SETD2: variants seen among roughly 807,000 people sequenced by gnomAD.
SETD2 encodes SET domain containing 2, histone lysine methyltransferase.
In SETD2, 31 loss-of-function variants were observed where a neutral mutation model predicts 242.1. That is an observed-to-expected ratio of 0.13 (90% CI 0.10 to 0.17). The LOEUF is 0.17. Among genes scored for constraint, SETD2 ranks in the 10% least tolerant of loss-of-function variants. SETD2 has a pLI of 1.00. For missense variants in SETD2, 2,481 were observed against 3,046.3 expected (o/e 0.81, Z 4.37); for synonymous variants, 1,006 against 1,066.5 (o/e 0.94, Z 1.11).
intron 8 of SETD2, among the ~76,000 whole-genome samples, chr3:47,100,674 G>T (rs1032833214): frequency 2.6e-5 from 4 of 151,918 alleles, no homozygotes; most frequent in Admixed American, 2.6e-4. Context: ...TTTTGCTTAG[G>T]CAGTCTTTGC....
intron 12 of SETD2, among the ~76,000 whole-genome samples, chr3:47,073,166 T>C (rs1338050365): frequency 7.1e-5 from 10 of 140,738 alleles, no homozygotes; most frequent in African/African-American, 2.6e-4. Flanking sequence ...AAAAAAAAAA[T>C]ACTGTGAGTA....
At chr3:47,101,637 CATAT>C (rs1373907993) in intron 7 of SETD2, 82 bp from the exon 8 acceptor site, 2 of 672,162 alleles carry the variant, frequency 3.0e-6, no homozygotes, top group Non-Finnish European at 2.5e-6. Flanking sequence ...TGTGTGTGCG[CATAT>C]ATAAAGATCA....
rs984522347 is a variant in SETD2 at position 47,121,462 on chromosome 3, A to G, written c.3174T>C (p.Asp1058=). The change falls in exon 3 of 21, where the codon GAT becomes GAC. Residue 1058 remains aspartate (D), a synonymous_variant. Transcript: ENST00000409792. ...ESDSEDTDSD[D]SSIPRNRLQS... ...GGAGACGGTTTCTTGGAATACTGCT[A>G]TCATCCGAATCTGTATCTTCTGAAT... is the stretch of plus-strand genomic sequence containing the variant. 1.4e-5 allele frequency: 23 copies of G among 1,613,346 alleles called. No homozygotes were observed. The highest frequency in any genetic ancestry group is 1.9e-5 in the Non-Finnish European group (23 of 1,180,000).
At chr3:47,063,568 C>G (rs1215733631) in intron 13 of SETD2, among the ~76,000 whole-genome samples, 4 of 152,178 alleles carry the variant, frequency 2.6e-5, no homozygotes, top group Admixed American at 1.3e-4. Context: ...CAGTGTCTCT[C>G]TTTACCTAGA....
Position 47,017,368 on chromosome 3 carries a change from C to T in SETD2, c.7534-114G>A. On this transcript the variant is annotated intron_variant, in intron 20 of 20. Transcript: ENST00000409792. The surrounding 1 kb of genome is among the most constrained non-coding windows in gnomAD (Gnocchi z 4.8). ...TGCTTCAGGGCCCTTCTCACCAAGA[C>T]AGGAAGTTAATAAGGGGGTAGATGT... is the stretch of plus-strand genomic sequence containing the variant. 8.7e-7 allele frequency: 1 copy of T among 1,143,386 alleles called. No homozygotes were observed. The allele number at this position is 1,143,386 out of a possible 1,614,324, so 70.8% of individuals were successfully genotyped here.
At chr3:47,034,948 G>T (rs1049838434) in intron 18 of SETD2, among the ~76,000 whole-genome samples, 5 of 152,128 alleles carry the variant, frequency 3.3e-5, no homozygotes, top group Non-Finnish European at 5.9e-5. Flanking sequence ...CAAGCTAGTA[G>T]ATTATAATTC....
chr3:47,088,455 T>A (rs1575752889), intron 9 of SETD2, among the ~76,000 whole-genome samples: 1 of 151,188 alleles, frequency 6.6e-6, no homozygotes, highest in African/African-American at 2.4e-5. Context: ...ATAATACATT[T>A]GAAATGCATT....
At chr3:47,098,168 C>A (rs2107675481) in intron 8 of SETD2, 87 bp from the exon 9 acceptor site, 1 of 1,384,554 alleles carries the variant, frequency 7.2e-7, no homozygotes, top group South Asian at 1.4e-5. Context: ...TCATACCAGT[C>A]TAAACAAAAT....
At chr3:47,060,531 C>G (rs1265095690) in intron 14 of SETD2, among the ~76,000 whole-genome samples, 1 of 152,014 alleles carries the variant, frequency 6.6e-6, no homozygotes, top group East Asian at 1.9e-4. Context: ...CCACTGCAGA[C>G]AAGTGAAAAG....
At chr3:47,153,023 GACCAAAAAC>G (rs2044031090) in intron 1 of SETD2, among the ~76,000 whole-genome samples, 1 of 152,128 alleles carries the variant, frequency 6.6e-6, no homozygotes, top group Non-Finnish European at 1.5e-5. Flanking sequence ...CCATTAGCTT[GACCAAAAAC>G]ACAAAAAACA....
chr3:47,155,610 C>T lies in SETD2; in HGVS notation c.71+8244G>A, dbSNP rs149676345. 2.7e-3 allele frequency among the ~76,000 whole-genome samples: 413 copies of T among 152,182 alleles called. 3 individuals carry two copies. Among genetic ancestry groups the T allele is most frequent in the African/African-American group, 9.6e-3 (397 of 41,538 alleles). Reference sequence around the variant, plus strand: ...GGTGGATCACTTGAGGTCAGAAAACCAGCCTGGGCAGCATGGCAAACCCCA... The same window carrying T: ...GGTGGATCACTTGAGGTCAGAAAACTAGCCTGGGCAGCATGGCAAACCCCA... On this transcript the variant is annotated intron_variant, in intron 1 of 20. Coordinates refer to ENST00000409792, the MANE Select transcript of SETD2 (RefSeq NM_014159.7).
intron 15 of SETD2, among the ~76,000 whole-genome samples, chr3:47,055,237 A>C (rs1018561672): frequency 6.6e-6 from 1 of 152,202 alleles, no homozygotes; most frequent in Non-Finnish European, 1.5e-5. Flanking sequence ...CTTCATTATG[A>C]AAATATGAAC....
In SETD2 at chr3:47,084,111, T is replaced by C. The variant is rs116513862; in HGVS notation, c.5669A>G (p.Asp1890Gly). Residue 1890 changes from aspartate (D) to glycine (G), a missense_variant, in exon 12 of 21, where the codon GAC becomes GGC. Asp to Gly is a moderately conservative substitution (Grantham distance 94). Around this residue, in one of 17 missense-constraint regions of SETD2, gnomAD observed 203 missense variants for 222.4 expected, o/e 0.91. Coordinates refer to ENST00000409792, the MANE Select transcript of SETD2 (RefSeq NM_014159.7). Reference sequence around the variant, plus strand: ...ACTGGTTGCATCAGAGATTGCACTGTCCATGCTATTTTCACTTATAATTTT... The same window carrying C: ...ACTGGTTGCATCAGAGATTGCACTGCCCATGCTATTTTCACTTATAATTTT... ...RLKIISENSM[D>G]SAISDATSEL... The C allele has an allele frequency of 6.2e-7, 1 of 1,614,208 alleles. No individual in the cohort carries two copies. Among genetic ancestry groups the C allele is most frequent in the Non-Finnish European group, 8.5e-7 (1 of 1,180,034 alleles).
chr3:47,060,992 G>A (rs1013329525), intron 14 of SETD2, among the ~76,000 whole-genome samples: 4 of 152,178 alleles, frequency 2.6e-5, no homozygotes, highest in African/African-American at 9.7e-5. Context: ...GGAGGCTGAG[G>A]CAGATTACGA....
intron 8 of SETD2, chr3:47,098,459 C>T (rs2042088941): frequency 6.0e-6 from 1 of 166,570 alleles, no homozygotes; most frequent in Admixed American, 6.0e-5. Flanking sequence ...ATAGAACAAA[C>T]AAACATGCAT....
chr3:47,041,583 C>T (rs951497213), intron 17 of SETD2, among the ~76,000 whole-genome samples: 1 of 152,038 alleles, frequency 6.6e-6, no homozygotes, highest in African/African-American at 2.4e-5. Flanking sequence ...AAGCAGACTA[C>T]AAAAACATCT....
chr3:47,093,519 G>T (rs983997247), intron 9 of SETD2, among the ~76,000 whole-genome samples: 15 of 151,986 alleles, frequency 9.9e-5, no homozygotes, highest in Admixed American at 5.2e-4. Context: ...CCTGACCTCA[G>T]GTGATCTGCC....
At chr3:47,086,343 AGAGCATTGG>A in intron 10 of SETD2, 29 bp from the exon 11 acceptor site, 1 of 1,606,808 alleles carries the variant, frequency 6.2e-7, no homozygotes, top group Non-Finnish European at 8.5e-7. Context: ...GACACGATGC[AGAGCATTGG>A]GAGGCAATAT....
intron 6 of SETD2, chr3:47,105,769 G>C: frequency 2.2e-6 from 1 of 460,806 alleles, no homozygotes; most frequent in South Asian, 1.9e-5. Flanking sequence ...AAGGCGTGGT[G>C]GCGGGCGCCT....
Sources: allele counts gnomAD v4.1 joint callset (sites outside exome capture counted in the v4.1 genomes callset), GRCh38; gene constraint gnomAD v4.1.1; regional missense constraint gnomAD v4.1.1; non-coding constraint Gnocchi (gnomAD v3.1); transcripts MANE v1.5; gene names NCBI Gene and HGNC (gene_info 2026-07-23, HGNC 2026-07-21).